The following HSD11B2 variants were observed in gnomAD, a reference collection of about 807,000 sequenced individuals.
HSD11B2 encodes hydroxysteroid 11-beta dehydrogenase 2, also known as 11-beta-hydroxysteroid dehydrogenase type 2.
Under a neutral mutation model 20.9 loss-of-function variants are expected in HSD11B2, and 17 were observed. The observed-to-expected ratio is 0.81, with a 90% CI of 0.56 to 1.22. HSD11B2 has a LOEUF of 1.22. Among genes scored for constraint, HSD11B2 ranks in the 50% most tolerant of loss-of-function variants. The pLI is 0.00. For missense variants in HSD11B2, 480 were observed against 563.6 expected, an observed-to-expected ratio of 0.85 and a Z score of 1.50; for synonymous variants, 253 against 255.4, an observed-to-expected ratio of 0.99 and a Z score of 0.09.
chr16:67,434,001 G>T (rs1269511705), intron 1 of HSD11B2, among the ~76,000 whole-genome samples: 2 of 152,134 alleles, frequency 1.3e-5, no homozygotes, highest in Non-Finnish European at 2.9e-5. Context: ...TCCCTCACTG[G>T]CTGCCCATGG....
chr16:67,436,158 C>A lies in HSD11B2; in HGVS notation c.664+16C>A, dbSNP rs199942060. ...AGCCCAGCGGGTGAGTGCCCCCCCC[C>A]ACTGGAGCAAAAAGGAGCCCCCTGG... On this transcript the variant is annotated intron_variant, in intron 3 of 4. Transcript: ENST00000326152. This position sits in a 1 kb window ranked among gnomAD's most constrained non-coding sequence, Gnocchi z 5.7. 2.7e-5 allele frequency: 43 copies of A among 1,613,578 alleles called. No individual in the cohort carries two copies. Among genetic ancestry groups the A allele is most frequent in the Admixed American group, 1.2e-4 (7 of 60,022 alleles).
Position 67,436,950 on chromosome 16 carries a change from G to A in HSD11B2, c.1165G>A (p.Ala389Thr), listed in dbSNP as rs145099420. ...GCCTGGCACTACCCCACCACAGGACGCAGCCCAGGACCCAAACCTGAGCCC... is the reference window on the plus strand; with the variant it reads ...GCCTGGCACTACCCCACCACAGGACACAGCCCAGGACCCAAACCTGAGCCC... The part of the protein sequence containing the change: ...GQPGTTPPQD[A>T]AQDPNLSPGP... The change falls in exon 5 of 5, where the codon GCA becomes ACA. Residue 389 changes from alanine to threonine, a missense_variant. Coordinates refer to ENST00000326152, the MANE Select transcript of HSD11B2 (RefSeq NM_000196.4). The surrounding 1 kb of genome is among the most constrained non-coding windows in gnomAD (Gnocchi z 5.7). 49 of 1,611,496 alleles carry A rather than the reference G, an allele frequency of 3.0e-5. No individual in the cohort carries two copies. Among genetic ancestry groups the A allele is most frequent in the East Asian group, 1.3e-4 (6 of 44,892 alleles).
upstream of HSD11B2, among the ~76,000 whole-genome samples, chr16:67,430,335 A>G (rs564383571): frequency 2.6e-5 from 4 of 152,214 alleles, no homozygotes; most frequent in African/African-American, 9.6e-5. This position sits in a 1 kb window ranked among gnomAD's most constrained non-coding sequence, Gnocchi z 5.4. Flanking sequence ...GGGGTGGGCC[A>G]TAAGTAATGG....
At chr16:67,434,446 T>C (rs1021079919) in intron 1 of HSD11B2, among the ~76,000 whole-genome samples, 5 of 152,154 alleles carry the variant, frequency 3.3e-5, no homozygotes, top group Non-Finnish European at 7.4e-5. Context: ...GGAAGGTTTG[T>C]AGCACAGAGG....
chr16:67,437,110 T>C lies in HSD11B2; in HGVS notation c.*107T>C, dbSNP rs1000636396. 8.2e-7 allele frequency: 1 copy of C among 1,218,026 alleles called. No homozygotes were observed. 75.5% of individuals were successfully genotyped at this position (1,218,026 alleles called of 1,614,324 possible). On this transcript the variant is annotated 3_prime_UTR_variant, in exon 5 of 5. Transcript: ENST00000326152. ...ACGATCCCCCAAGTGTCCTGGACCC[T>C]GGCCTAAAGAATCCCACCCCCACTT...
At chr16:67,431,584 C>T (rs1435701965) in intron 1 of HSD11B2, 71 bp downstream of exon 1, 5 of 1,228,328 alleles carry the variant, frequency 4.1e-6, no homozygotes, top group Admixed American at 8.3e-5. Context: ...ACAGGACTGA[C>T]TCCCCATGGG....
chr16:67,437,223 A>G lies in HSD11B2; in HGVS notation c.*220A>G. 1 of 601,930 alleles carries G rather than the reference A, an allele frequency of 1.7e-6. No individual in the cohort carries two copies. 37.3% of individuals were successfully genotyped at this position (601,930 alleles called of 1,614,324 possible). On this transcript the variant is annotated 3_prime_UTR_variant, in exon 5 of 5. Coordinates refer to ENST00000326152, the MANE Select transcript of HSD11B2 (RefSeq NM_000196.4). The stretch of plus-strand genomic sequence containing the variant: ...CGCCTCTCCACTGTTTCATGAGCCC[A>G]AACACCCTCCTGGCACAACGCTCTA...
In HSD11B2 at chr16:67,435,732, C is replaced by G. The variant is rs751137285; in HGVS notation, c.370C>G (p.Leu124Val). Residue 124 changes from leucine (L) to valine (V), a missense_variant, in exon 2 of 5, where the codon CTG becomes GTG. By Grantham distance (32) the Leu-to-Val change is conservative (BLOSUM62 1). Transcript: ENST00000326152. ...LELNSPGAIE[L>V]RTCCSPRLRL... The stretch of plus-strand genomic sequence containing the variant: ...GTTGAACAGCCCCGGTGCCATCGAG[C>G]TGCGTACCTGCTGCTCCCCTCGCCT... The G allele has an allele frequency of 6.2e-7, 1 of 1,614,074 alleles. No homozygotes were observed. Among genetic ancestry groups the G allele is most frequent in the South Asian group, 1.1e-5 (1 of 91,090 alleles).
Position 67,436,151 on chromosome 16 carries a change from C to A in HSD11B2, c.664+9C>A, listed in dbSNP as rs746463242. ...TGTGGGGAGCCCAGCGGGTGAGTGC[C>A]CCCCCCCACTGGAGCAAAAAGGAGC... On this transcript the variant is annotated intron_variant, in intron 3 of 4. Coordinates refer to ENST00000326152, the MANE Select transcript of HSD11B2 (RefSeq NM_000196.4). This position sits in a 1 kb window ranked among gnomAD's most constrained non-coding sequence, Gnocchi z 5.7. 3 of 1,611,088 alleles carry A rather than the reference C, an allele frequency of 1.9e-6. No homozygotes were observed. The highest frequency in any genetic ancestry group is 2.5e-6 in the Non-Finnish European group (3 of 1,179,552).
In HSD11B2 at chr16:67,436,400, C is replaced by CTGGGGGTGGGG; in HGVS notation, c.802+26_802+36dup. 5.1e-6 allele frequency: 1 copy of CTGGGGGTGGGG among 197,080 alleles called. No individual in the cohort carries two copies. The highest frequency in any genetic ancestry group is 4.5e-5 in the South Asian group (1 of 22,122). 12.2% of individuals were successfully genotyped at this position (197,080 alleles called of 1,614,324 possible). A position where few individuals can be genotyped will look rare whatever the true frequency, so the allele number is the denominator to read the frequency against. On this transcript the variant is annotated intron_variant, in intron 4 of 4. Coordinates refer to ENST00000326152, the MANE Select transcript of HSD11B2 (RefSeq NM_000196.4). The surrounding 1 kb of genome is among the most constrained non-coding windows in gnomAD (Gnocchi z 5.7). ...GCTTCAAGACAGGTGGGAATCAGGG[C>CTGGGGGTGGGG]TGGGGGTGGGGTGGGGGTGGGGAAT...
In HSD11B2 at chr16:67,431,244, C is replaced by T; in HGVS notation, c.-5C>T. ...CCCCGCCCCGCCCCAGCCCGCTGGG[C>T]CGCCATGGAGCGCTGGCCTTGGCCG... On this transcript the variant is annotated 5_prime_UTR_variant, in exon 1 of 5. Transcript: ENST00000326152. The T allele has an allele frequency of 1.7e-6, 2 of 1,208,716 alleles. No individual in the cohort carries two copies. The highest frequency in any genetic ancestry group is 1.0e-6 in the Non-Finnish European group (1 of 969,938). 74.9% of individuals were successfully genotyped at this position (1,208,716 alleles called of 1,614,324 possible).
At chr16:67,432,362 A>G (rs942976500) in intron 1 of HSD11B2, among the ~76,000 whole-genome samples, 4 of 152,146 alleles carry the variant, frequency 2.6e-5, no homozygotes, top group Non-Finnish European at 4.4e-5. Flanking sequence ...TCTCTCGCCA[A>G]TACCCACGGC....
At position 67,431,491 on chromosome 16, in the gene HSD11B2, C is replaced by G; in HGVS notation, c.243C>G (p.Ala81=). ...CGCGCCCGCAGCGCCTGCCGGTGGCCACTCGCGCGGTGCTCATCACCGGTG... is the reference window on the plus strand; with the variant it reads ...CGCGCCCGCAGCGCCTGCCGGTGGCGACTCGCGCGGTGCTCATCACCGGTG... ...RLARPQRLPV[A]TRAVLITGCD... The change falls in exon 1 of 5, where the codon GCC becomes GCG. Residue 81 remains alanine, a synonymous_variant. Coordinates refer to ENST00000326152, the MANE Select transcript of HSD11B2 (RefSeq NM_000196.4). 1 of 1,399,802 alleles carries G rather than the reference C, an allele frequency of 7.1e-7. No homozygotes were observed. The highest frequency in any genetic ancestry group is 9.3e-7 in the Non-Finnish European group (1 of 1,074,868). 86.7% of individuals were successfully genotyped at this position (1,399,802 alleles called of 1,614,324 possible).
intron 2 of HSD11B2, 29 bp from the exon 3 acceptor site, chr16:67,435,928 G>C (rs1258518673): frequency 1.2e-6 from 2 of 1,614,008 alleles, no homozygotes; most frequent in Non-Finnish European, 1.7e-6. Flanking sequence ...GCTGACCTAA[G>C]GCTTCCCTCC....
chr16:67,433,791 G>A (rs569806350), intron 1 of HSD11B2, among the ~76,000 whole-genome samples: 3 of 151,772 alleles, frequency 2.0e-5, no homozygotes, highest in African/African-American at 2.4e-5. Flanking sequence ...GCAGGAGCTC[G>A]AAGACCCCTG....
chr16:67,435,868 G>A (rs2040966291), intron 2 of HSD11B2, 28 bp downstream of exon 2: 1 of 1,613,892 alleles, frequency 6.2e-7, no homozygotes, highest in African/African-American at 1.3e-5. Flanking sequence ...ACCAGGCAAG[G>A]GCGTGGCAGG....
intron 1 of HSD11B2, 75 bp from the exon 2 acceptor site, chr16:67,435,553 C>A: frequency 1.7e-6 from 2 of 1,204,412 alleles, no homozygotes; most frequent in Non-Finnish European, 2.4e-6. Context: ...CCCATCCAGA[C>A]CCTGGTGATT....
Position 67,431,355 on chromosome 16 carries a change from C to T in HSD11B2, c.107C>T (p.Ala36Val), listed in dbSNP as rs2040931692. 2.4e-6 allele frequency: 3 copies of T among 1,238,732 alleles called. No individual in the cohort carries two copies. Among genetic ancestry groups the T allele is most frequent in the South Asian group, 2.2e-5 (1 of 44,848 alleles). 76.7% of individuals were successfully genotyped at this position (1,238,732 alleles called of 1,614,324 possible). A position where few individuals can be genotyped will look rare whatever the true frequency, so the allele number is the denominator to read the frequency against. The part of the protein sequence containing the change: ...SDLRLGRPLL[A>V]ALALLAALDW... ...CTGCGTCTGGGCCGCCCGCTGCTGG[C>T]GGCGCTGGCGCTGCTGGCCGCGCTC... The change falls in exon 1 of 5, where the codon GCG (alanine) becomes GTG (valine). Residue 36 changes from alanine to valine, a missense_variant. By Grantham distance (64) the Ala-to-Val change is moderately conservative. Coordinates refer to ENST00000326152, the MANE Select transcript of HSD11B2 (RefSeq NM_000196.4).
At chr16:67,431,711 C>T (rs2040934894) in intron 1 of HSD11B2, among the ~76,000 whole-genome samples, 198 bp downstream of exon 1, 1 of 152,194 alleles carries the variant, frequency 6.6e-6, no homozygotes, top group East Asian at 1.9e-4. Context: ...CACTACCTGC[C>T]GCTGCGGGGA....
Sources: gnomAD v4.1 joint callset for allele counts (sites outside exome capture counted in the v4.1 genomes callset) on GRCh38, gnomAD v4.1.1 for gene constraint, Gnocchi (gnomAD v3.1) non-coding constraint, MANE v1.5 for transcripts, NCBI Gene and HGNC (gene_info 2026-07-23, HGNC 2026-07-21) for gene names.